The following HDAC9 variants were observed in gnomAD, a reference collection of about 807,000 sequenced individuals.
HDAC9 encodes MEF-2 interacting transcription repressor (MITR) protein.
In HDAC9, 41 loss-of-function variants were observed where a neutral mutation model predicts 139.4. That is an observed-to-expected ratio of 0.29 (90% CI 0.23 to 0.38). The LOEUF (loss-of-function observed/expected upper bound fraction) is 0.38. Ranked by LOEUF, HDAC9 falls within the 10% of genes least tolerant of loss-of-function variation. HDAC9 has a pLI of 1.00. For synonymous variants in HDAC9, 517 were observed against 476.2 expected (o/e 1.09, Z -1.12); for missense variants, 1,147 against 1,297.0 (o/e 0.88, Z 1.78).
chr7:18,379,173 A>C (rs985551218), intron 1 of HDAC9, among the ~76,000 whole-genome samples: 1 of 152,230 alleles, frequency 6.6e-6, no homozygotes, highest in Non-Finnish European at 1.5e-5. Context: ...TAGAAAATGC[A>C]CTTAAGAGAA....
At chr7:18,984,903 TTGTG>T (rs976813728) in intron 25 of HDAC9, among the ~76,000 whole-genome samples, 1 of 151,750 alleles carries the variant, frequency 6.6e-6, no homozygotes, top group Non-Finnish European at 1.5e-5. Context: ...AGGTGTGAGT[TTGTG>T]TGTGTGTGTA....
At chr7:18,358,822 C>G (rs1783538298) in intron 1 of HDAC9, among the ~76,000 whole-genome samples, 1 of 152,140 alleles carries the variant, frequency 6.6e-6, no homozygotes, top group Non-Finnish European at 1.5e-5. Flanking sequence ...ACTGATATTT[C>G]TGAACTGGAA....
intron 25 of HDAC9, among the ~76,000 whole-genome samples, chr7:18,989,028 C>G (rs1448214986): frequency 9.2e-6 from 1 of 108,484 alleles, no homozygotes; most frequent in Non-Finnish European, 2.0e-5. Flanking sequence ...ATTTGCCAGT[C>G]TGTGTCTTTT....
chr7:18,483,226 A>T (rs979514383), intron 1 of HDAC9, among the ~76,000 whole-genome samples: 2 of 152,216 alleles, frequency 1.3e-5, no homozygotes, highest in Admixed American at 6.5e-5. Flanking sequence ...TTCAATGAGT[A>T]TTATGTAAAT....
At chr7:18,144,937 T>C (rs1478108280) in intron 1 of HDAC9, among the ~76,000 whole-genome samples, 1 of 152,196 alleles carries the variant, frequency 6.6e-6, no homozygotes, top group Non-Finnish European at 1.5e-5. Flanking sequence ...ATTGTAAAAA[T>C]GTATTTTGAA....
chr7:18,977,032 G>A (rs1474908780), intron 25 of HDAC9, among the ~76,000 whole-genome samples: 1 of 152,120 alleles, frequency 6.6e-6, no homozygotes, highest in Non-Finnish European at 1.5e-5. Context: ...CCAAGAACAG[G>A]AGATAAAATG....
intron 6 of HDAC9, among the ~76,000 whole-genome samples, chr7:18,599,889 A>C (rs151167832): frequency 1.4e-4 from 22 of 152,330 alleles, no homozygotes; most frequent in African/African-American, 5.1e-4. Context: ...CTGTCTTCCA[A>C]AGTGGCTGTA....
chr7:18,843,698 CTA>C (rs1330315174), intron 21 of HDAC9, among the ~76,000 whole-genome samples: 1 of 151,450 alleles, frequency 6.6e-6, no homozygotes, highest in African/African-American at 2.4e-5. Flanking sequence ...CCCTCTTTTT[CTA>C]TGATTTTACA....
chr7:18,665,384 G>T (rs944960050), intron 11 of HDAC9, among the ~76,000 whole-genome samples: 4 of 152,056 alleles, frequency 2.6e-5, no homozygotes, highest in African/African-American at 9.7e-5. Flanking sequence ...CCCATTTATT[G>T]AGCTTTCATG....
chr7:18,756,076 G>A (rs1788851852), intron 14 of HDAC9, among the ~76,000 whole-genome samples: 1 of 152,000 alleles, frequency 6.6e-6, no homozygotes, highest in African/African-American at 2.4e-5. Flanking sequence ...GAAACATCTG[G>A]GTGCCCAAAT....
intron 2 of HDAC9, among the ~76,000 whole-genome samples, chr7:18,178,091 C>T (rs904857596): frequency 2.0e-5 from 3 of 151,322 alleles, no homozygotes; most frequent in Non-Finnish European, 4.4e-5. Context: ...CCCTCCCCTC[C>T]CCTCTCCTCT....
chr7:18,383,530 A>G (rs1785628220), intron 1 of HDAC9, among the ~76,000 whole-genome samples: 2 of 152,212 alleles, frequency 1.3e-5, no homozygotes, highest in South Asian at 2.1e-4. Context: ...GGAGAAAAAA[A>G]TAGTCCTTTA....
At chr7:18,604,616 G>A (rs1444476514) in intron 6 of HDAC9, among the ~76,000 whole-genome samples, 2 of 151,822 alleles carry the variant, frequency 1.3e-5, no homozygotes, top group African/African-American at 4.8e-5. Flanking sequence ...AGCCAGGATG[G>A]TCTTGATCTC....
At chr7:18,595,742 C>T (rs1441116313) in intron 6 of HDAC9, among the ~76,000 whole-genome samples, 4 of 151,986 alleles carry the variant, frequency 2.6e-5, no homozygotes, top group African/African-American at 9.7e-5. Flanking sequence ...AAACTGACTG[C>T]AGAACTGATA....
At chr7:18,846,391 A>G (rs1368783793) in intron 21 of HDAC9, among the ~76,000 whole-genome samples, 1 of 152,216 alleles carries the variant, frequency 6.6e-6, no homozygotes, top group Non-Finnish European at 1.5e-5. Context: ...ATACCTTGAG[A>G]TAATTTCTAG....
At chr7:18,615,002 C>A (rs1838184149) in intron 6 of HDAC9, among the ~76,000 whole-genome samples, 1 of 152,102 alleles carries the variant, frequency 6.6e-6, no homozygotes, top group Non-Finnish European at 1.5e-5. Flanking sequence ...AAATGCAAAG[C>A]ATGCTGAAAT....
At chr7:18,924,727 G>A (rs928314810) in intron 22 of HDAC9, among the ~76,000 whole-genome samples, 2 of 152,082 alleles carry the variant, frequency 1.3e-5, no homozygotes, top group South Asian at 2.1e-4. Flanking sequence ...TAATATTTTC[G>A]TTGTTGTTTG....
chr7:18,434,511 T>C (rs1463908668), intron 1 of HDAC9, among the ~76,000 whole-genome samples: 2 of 152,198 alleles, frequency 1.3e-5, no homozygotes, highest in Non-Finnish European at 2.9e-5. Flanking sequence ...AAAGGTCTAA[T>C]ATCCAGAATC....
intron 3 of HDAC9, 81 bp from the exon 4 acceptor site, chr7:18,590,255 T>TCATAC: frequency 7.1e-7 from 1 of 1,409,718 alleles, no homozygotes. Flanking sequence ...TTCCAAAAGC[T>TCATAC]CATAACATTT....
Sources: gnomAD v4.1 joint callset for allele counts (sites outside exome capture counted in the v4.1 genomes callset) on GRCh38, gnomAD v4.1.1 for gene constraint, MANE v1.5 for transcripts, NCBI Gene and HGNC (gene_info 2026-07-23, HGNC 2026-07-21) for gene names.